Variants in REG4 observed in about 807,000 individuals in gnomAD.
REG4 encodes the protein regenerating islet-derived protein 4.
In REG4, 16 loss-of-function variants were observed where a neutral mutation model predicts 22.3. The observed-to-expected ratio is 0.72, with a 90% CI of 0.49 to 1.09. The LOEUF is 1.09. Ranked by LOEUF, REG4 falls within the 50% of genes least tolerant of loss-of-function variation. REG4 has a pLI of 0.00. For synonymous variants in REG4, 71 were observed against 69.2 expected (o/e 1.03, Z -0.13); for missense variants, 214 against 193.9 (o/e 1.10, Z -0.61).
intron 1 of REG4, among the ~76,000 whole-genome samples, chr1:119,810,153 T>C (rs2101077921): frequency 6.6e-6 from 1 of 152,260 alleles, no homozygotes; most frequent in East Asian, 1.9e-4. Flanking sequence ...AATATTGTTA[T>C]TTTTTATGTT....
intron 3 of REG4, chr1:119,802,829 T>C: frequency 2.0e-6 from 3 of 1,528,500 alleles, no homozygotes; most frequent in Non-Finnish European, 2.6e-6. Flanking sequence ...GGCTCTTTCC[T>C]ATGTATCCGT....
chr1:119,802,897 A>G (rs1483080337), intron 3 of REG4, 171 bp downstream of exon 3: 3 of 1,555,566 alleles, frequency 1.9e-6, no homozygotes, highest in Non-Finnish European at 2.6e-6. Context: ...CAATGCTTAC[A>G]GAATTGAATG....
At chr1:119,800,229 T>C (rs1654056592) in intron 3 of REG4, among the ~76,000 whole-genome samples, 1 of 152,208 alleles carries the variant, frequency 6.6e-6, no homozygotes, top group Admixed American at 6.5e-5. Context: ...ATGAGGCCTA[T>C]TGTATTATAG....
chr1:119,796,032 G>A (rs1292862443), intron 5 of REG4, among the ~76,000 whole-genome samples: 1 of 152,206 alleles, frequency 6.6e-6, no homozygotes, highest in African/African-American at 2.4e-5. Context: ...GCAGGGAAGG[G>A]TGACTGAGAA....
intron 5 of REG4, among the ~76,000 whole-genome samples, chr1:119,796,680 G>T (rs2101065777): frequency 1.3e-5 from 2 of 152,230 alleles, no homozygotes; most frequent in Admixed American, 1.3e-4. Context: ...TTCATTCCTT[G>T]TGCTTTTCTG....
At chr1:119,804,975 G>A (rs1654252020) in intron 2 of REG4, among the ~76,000 whole-genome samples, 1 of 152,154 alleles carries the variant, frequency 6.6e-6, no homozygotes, top group Non-Finnish European at 1.5e-5. Flanking sequence ...GCTTGAGGAG[G>A]TGAGGAAACA....
At chr1:119,796,230 C>G (rs1653936089) in intron 5 of REG4, among the ~76,000 whole-genome samples, 1 of 152,122 alleles carries the variant, frequency 6.6e-6, no homozygotes, top group South Asian at 2.1e-4. Context: ...GGAATTCTAC[C>G]CTGGGCATTC....
In REG4 at chr1:119,808,335, C is replaced by G. The variant is rs981526040; in HGVS notation, c.67+368G>C. Among the ~76,000 whole-genome samples the G allele has an allele frequency of 2.6e-5, 4 of 152,190 alleles. No individual in the cohort carries two copies. The East Asian group carries it at 7.7e-4, about 29-fold the overall frequency. ...TTGCAAACTGGAATCCCTAATAATG[C>G]TCAAAATGATAAACCAGTGCATAAG... On this transcript the variant is annotated intron_variant, in intron 2 of 5. Transcript: ENST00000256585.
chr1:119,808,188 C>A (rs1654382670), intron 2 of REG4, among the ~76,000 whole-genome samples: 1 of 152,186 alleles, frequency 6.6e-6, no homozygotes, highest in South Asian at 2.1e-4. Context: ...CTGTTCCTCC[C>A]CTGCTTTCTC....
chr1:119,805,035 G>A (rs1461336107), intron 2 of REG4, among the ~76,000 whole-genome samples: 1 of 152,168 alleles, frequency 6.6e-6, no homozygotes, highest in African/African-American at 2.4e-5. Flanking sequence ...TGGAAAAGCT[G>A]CTTTGCAGAT....
intron 5 of REG4, among the ~76,000 whole-genome samples, chr1:119,796,416 G>C (rs1046381192): frequency 4.6e-5 from 7 of 152,188 alleles, no homozygotes; most frequent in Admixed American, 3.3e-4. Flanking sequence ...GTAAAGGGGA[G>C]AGTCAGAAAG....
chr1:119,797,913 A>G (rs1273462187), intron 5 of REG4, among the ~76,000 whole-genome samples: 4 of 152,220 alleles, frequency 2.6e-5, no homozygotes, highest in Non-Finnish European at 4.4e-5. Flanking sequence ...ATGAATGCTG[A>G]AAAGTCTAAC....
intron 3 of REG4, chr1:119,802,054 T>C (rs2101070113): frequency 6.6e-6 from 1 of 152,574 alleles, no homozygotes; most frequent in East Asian, 1.9e-4. Flanking sequence ...TTCCTCTTTG[T>C]TCCCTCTGTT....
At chr1:119,801,878 G>C (rs1485306907) in intron 3 of REG4, 4 of 152,238 alleles carry the variant, frequency 2.6e-5, no homozygotes, top group Non-Finnish European at 5.9e-5. Context: ...CTACCATGTG[G>C]CATAGGCTTT....
At chr1:119,796,622 G>C (rs1003439871) in intron 5 of REG4, among the ~76,000 whole-genome samples, 10 of 152,166 alleles carry the variant, frequency 6.6e-5, no homozygotes, top group Admixed American at 1.3e-4. Flanking sequence ...GGCTGAGGGG[G>C]ATGGGCTTTT....
chr1:119,803,229 T>C (rs1557762339), intron 2 of REG4, 64 bp from the exon 3 acceptor site: 17 of 1,463,336 alleles, frequency 1.2e-5, no homozygotes, highest in Non-Finnish European at 1.5e-5. Flanking sequence ...CCAGACTTGA[T>C]ACAGTTTGCA....
At chr1:119,808,616 G>A (rs1654398501) in intron 2 of REG4, 87 bp downstream of exon 2, 1 of 947,884 alleles carries the variant, frequency 1.1e-6, no homozygotes, top group Admixed American at 2.1e-5. Flanking sequence ...GTTCCTAAAT[G>A]TTTTTGTGGG....
chr1:119,798,727 TAAAG>T (rs1444505729), intron 4 of REG4, 125 bp from the exon 5 acceptor site: 5 of 626,120 alleles, frequency 8.0e-6, no homozygotes, highest in Non-Finnish European at 1.4e-5. Flanking sequence ...CAGAAATGCT[TAAAG>T]AAGGAAAAAG....
At chr1:119,796,791 G>A (rs1475288418) in intron 5 of REG4, among the ~76,000 whole-genome samples, 1 of 152,138 alleles carries the variant, frequency 6.6e-6, no homozygotes, top group African/African-American at 2.4e-5. Context: ...TCAGGCTTCT[G>A]GTTCCCATCC....
Sources: gnomAD v4.1 joint callset for allele counts (sites outside exome capture counted in the v4.1 genomes callset) on GRCh38, gnomAD v4.1.1 for gene constraint, MANE v1.5 for transcripts, NCBI Gene and HGNC (gene_info 2026-07-23, HGNC 2026-07-21) for gene names.